Variants in TBC1D31 observed in about 807,000 individuals in gnomAD.
TBC1D31 encodes TBC1 domain family member 31.
A neutral mutation model predicts 132.9 loss-of-function variants in TBC1D31; 99 were observed. The ratio of observed to expected loss-of-function variants is 0.74; its 90% CI spans 0.63 to 0.88. The LOEUF (loss-of-function observed/expected upper bound fraction) is 0.88, where lower values mean the gene tolerates loss of function less well. Among genes scored for constraint, TBC1D31 ranks in the 40% least tolerant of loss-of-function variants. The pLI is 0.00. For synonymous variants in TBC1D31, 385 were observed against 419.4 expected (o/e 0.92, Z 1.00); for missense variants, 1,134 against 1,256.6 (o/e 0.90, Z 1.48).
intron 1 of TBC1D31, among the ~76,000 whole-genome samples, chr8:123,074,221 C>T (rs192127750): frequency 1.5e-3 from 221 of 151,534 alleles, no homozygotes; most frequent in Middle Eastern, 3.4e-3. Flanking sequence ...AGAGACGGAC[C>T]GTGTTAGCCA....
intron 7 of TBC1D31, among the ~76,000 whole-genome samples, chr8:123,101,403 T>A (rs1817402077): frequency 6.6e-6 from 1 of 151,814 alleles, no homozygotes; most frequent in African/African-American, 2.4e-5. Context: ...TTTGTTTTTG[T>A]TTTGTTTTTG....
At chr8:123,083,982 C>T in intron 3 of TBC1D31, 180 bp from the exon 4 acceptor site, 1 of 533,198 alleles carries the variant, frequency 1.9e-6, no homozygotes, top group Non-Finnish European at 3.3e-6. Context: ...ATGTTGCTAA[C>T]ATGTTCCGTC....
At chr8:123,162,506 C>A in the TBC1D31 span, among the ~76,000 whole-genome samples, 1 of 152,046 alleles carries the variant, frequency 6.6e-6, no homozygotes, top group Non-Finnish European at 1.5e-5. Context: ...TTACAGAGAG[C>A]TAAAGGAGGG....
chr8:123,090,271 G>T (rs1325656948), intron 4 of TBC1D31, among the ~76,000 whole-genome samples: 1 of 152,206 alleles, frequency 6.6e-6, no homozygotes, highest in Non-Finnish European at 1.5e-5. Flanking sequence ...TAAGTAATTT[G>T]TTCAGTATCA....
At chr8:123,157,069 G>A (rs974183657), downstream of TBC1D31, among the ~76,000 whole-genome samples, 9 of 152,242 alleles carry the variant, frequency 5.9e-5, no homozygotes, top group African/African-American at 2.2e-4. Flanking sequence ...CACTCGGGCC[G>A]CAGTGCGAGG....
chr8:123,160,993 G>A, the TBC1D31 span, among the ~76,000 whole-genome samples: 1 of 152,172 alleles, frequency 6.6e-6, no homozygotes, highest in Admixed American at 6.5e-5. Context: ...CTGGAGTCCG[G>A]AACGAGGGTG....
chr8:123,153,374 G>A (rs1011048173), downstream of TBC1D31, among the ~76,000 whole-genome samples: 3 of 152,024 alleles, frequency 2.0e-5, no homozygotes, highest in Non-Finnish European at 2.9e-5. Context: ...AGCTACACAC[G>A]CCACATACGC....
At chr8:123,076,127 T>A (rs961063281) in intron 1 of TBC1D31, among the ~76,000 whole-genome samples, 2 of 152,100 alleles carry the variant, frequency 1.3e-5, no homozygotes, top group Non-Finnish European at 2.9e-5. Context: ...GGAGACAGGG[T>A]CTTACAGTGT....
intron 4 of TBC1D31, 40 bp from the exon 5 acceptor site, chr8:123,093,551 G>A (rs185045343): frequency 6.8e-7 from 1 of 1,463,374 alleles, no homozygotes; most frequent in East Asian, 2.3e-5. Flanking sequence ...GTCTCTATGT[G>A]AACCTTATGT....
intron 10 of TBC1D31, among the ~76,000 whole-genome samples, chr8:123,112,923 C>G (rs1158365640): frequency 6.6e-6 from 1 of 152,122 alleles, no homozygotes; most frequent in African/African-American, 2.4e-5. Flanking sequence ...TGTCAGAATA[C>G]CAGTGTAGAC....
chr8:123,161,147 C>T, the TBC1D31 span, among the ~76,000 whole-genome samples: 4 of 152,184 alleles, frequency 2.6e-5, no homozygotes, highest in South Asian at 2.1e-4. Flanking sequence ...TCAGCCTGCG[C>T]CTGCGCCGGG....
intron 17 of TBC1D31, among the ~76,000 whole-genome samples, chr8:123,140,484 C>T (rs576122347): frequency 6.6e-6 from 1 of 152,272 alleles, no homozygotes; most frequent in South Asian, 2.1e-4. Context: ...TAAATGCTCC[C>T]CAGATAGCTC....
intron 10 of TBC1D31, among the ~76,000 whole-genome samples, chr8:123,118,263 C>T (rs1819141057): frequency 1.0e-5 from 1 of 95,788 alleles, no homozygotes; most frequent in Non-Finnish European, 2.2e-5. Context: ...TAGTGAATAG[C>T]ATGTGCCAGT....
chr8:123,127,837 A>G (rs1459946458), intron 13 of TBC1D31: 1 of 155,296 alleles, frequency 6.4e-6, no homozygotes, highest in Non-Finnish European at 1.4e-5. Flanking sequence ...GTTACTGTCC[A>G]ATTAAACTTT....
At chr8:123,142,092 T>C (rs1821760198) in intron 18 of TBC1D31, among the ~76,000 whole-genome samples, 170 bp from the exon 19 acceptor site, 4 of 152,138 alleles carry the variant, frequency 2.6e-5, no homozygotes, top group South Asian at 4.1e-4. Context: ...TTTAATTGGC[T>C]TGTGGCAGGG....
chr8:123,072,915 G>T, intron 1 of TBC1D31, 69 bp downstream of exon 1: 9 of 1,455,746 alleles, frequency 6.2e-6, no homozygotes, highest in Non-Finnish European at 7.5e-6. Flanking sequence ...GACGCCGGGC[G>T]TCAGGCAGCG....
At chr8:123,098,254 A>T (rs1470884296) in intron 6 of TBC1D31, among the ~76,000 whole-genome samples, 2 of 152,054 alleles carry the variant, frequency 1.3e-5, no homozygotes, top group Non-Finnish European at 2.9e-5. Flanking sequence ...ATATAGTGTT[A>T]TGTTTTTCCC....
At chr8:123,138,445 A>C (rs1170154499) in intron 17 of TBC1D31, among the ~76,000 whole-genome samples, 3 of 152,204 alleles carry the variant, frequency 2.0e-5, no homozygotes, top group Non-Finnish European at 4.4e-5. Flanking sequence ...ATCCCTCGAG[A>C]AATAACAACT....
intron 4 of TBC1D31, among the ~76,000 whole-genome samples, chr8:123,085,125 A>C (rs1175096392): frequency 6.6e-6 from 1 of 152,170 alleles, no homozygotes; most frequent in Non-Finnish European, 1.5e-5. Context: ...GGTCATCAGC[A>C]TACTCCCCTG....
Sources: allele counts gnomAD v4.1 joint callset (sites outside exome capture counted in the v4.1 genomes callset), GRCh38; gene constraint gnomAD v4.1.1; transcripts MANE v1.5; gene names NCBI Gene and HGNC (gene_info 2026-07-23, HGNC 2026-07-21).